Variants in TMEM19 observed in about 807,000 individuals in gnomAD.
The protein encoded by TMEM19 is transmembrane protein 19.
TMEM19 carries 21 observed loss-of-function variants against 33.6 expected under a neutral mutation model. The observed-to-expected ratio is 0.62, with a 90% CI of 0.44 to 0.90. The LOEUF is 0.90. Among genes scored for constraint, TMEM19 ranks in the 40% least tolerant of loss-of-function variants. The pLI is 0.00. For missense variants in TMEM19, 402 were observed against 401.8 expected (o/e 1.00, Z 0.00); for synonymous variants, 149 against 147.5 (o/e 1.01, Z -0.07).
At position 71,699,095 on chromosome 12, in the gene TMEM19, C is replaced by T; in HGVS notation, c.833C>T (p.Thr278Ile). The T allele has an allele frequency of 2.5e-6, 4 of 1,614,066 alleles. No homozygotes were observed. The highest frequency in any genetic ancestry group is 3.4e-6 in the Non-Finnish European group (4 of 1,180,000). ...ATTGTGGACTCATACTTAGGGGCTA[C>T]AATGCAGTATACTGGTAAGAACATT... ...GSIVDSYLGA[T>I]MQYTGLDEST... Residue 278 changes from threonine (T) to isoleucine (I), a missense_variant, in exon 5 of 6, where the codon ACA becomes ATA. Thr to Ile is a moderately conservative substitution (Grantham distance 89). Transcript: ENST00000266673.
chr12:71,696,062 A>G (rs910536377), intron 2 of TMEM19, among the ~76,000 whole-genome samples: 4 of 152,168 alleles, frequency 2.6e-5, no homozygotes, highest in Admixed American at 1.3e-4. Context: ...CACTCCTGCA[A>G]TCCCAGCACT....
intron 4 of TMEM19, among the ~76,000 whole-genome samples, 153 bp downstream of exon 4, chr12:71,697,687 T>A (rs1881899596): frequency 6.6e-6 from 1 of 152,216 alleles, no homozygotes; most frequent in Non-Finnish European, 1.5e-5. Flanking sequence ...ATTGGAAAAT[T>A]TCTGTCGACT....
Position 71,689,644 on chromosome 12 carries a change from G to C in TMEM19, c.184G>C (p.Val62Leu). The change falls in exon 2 of 6, where the codon GTT (valine) becomes CTT (leucine). Residue 62 changes from valine (V) to leucine (L), a missense_variant. Transcript: ENST00000266673. ...WRWLFSVVVP[V>L]LIVSNGLKKK... ...TTGGCTGTTTTCTGTTGTTGTTCCT[G>C]TTCTGATCGTCTCTAATGGCCTTAA... 1 of 1,614,028 alleles carries C rather than the reference G, an allele frequency of 6.2e-7. No individual in the cohort carries two copies. Among genetic ancestry groups the C allele is most frequent in the East Asian group, 2.2e-5 (1 of 44,858 alleles).
At chr12:71,691,033 T>TC (rs1881776717) in intron 2 of TMEM19, among the ~76,000 whole-genome samples, 1 of 152,184 alleles carries the variant, frequency 6.6e-6, no homozygotes, top group South Asian at 2.1e-4. Context: ...GGCCTGGATC[T>TC]CCCCCTTATT....
Position 71,700,887 on chromosome 12 carries a change from C to G in TMEM19, c.903C>G (p.His301Gln). 1 of 1,613,498 alleles carries G rather than the reference C, an allele frequency of 6.2e-7. No homozygotes were observed. The highest frequency in any genetic ancestry group is 1.1e-5 in the South Asian group (1 of 91,044). ...ACAGCCCAACAAATAAGGCAAGGCACATAGCAGGGAAACCCATTCTTGATA... is the reference window on the plus strand; with the variant it reads ...ACAGCCCAACAAATAAGGCAAGGCAGATAGCAGGGAAACCCATTCTTGATA... ...VVNSPTNKAR[H>Q]IAGKPILDNN... Residue 301 changes from histidine to glutamine, a missense_variant, in exon 6 of 6, where the codon CAC becomes CAG. Coordinates refer to ENST00000266673, the MANE Select transcript of TMEM19 (RefSeq NM_018279.4).
chr12:71,687,978 A>G (rs1330628811), intron 1 of TMEM19, among the ~76,000 whole-genome samples: 3 of 152,224 alleles, frequency 2.0e-5, no homozygotes, highest in East Asian at 1.9e-4. Flanking sequence ...CAGTTCGTTC[A>G]TAATGATTCA....
chr12:71,692,896 G>A (rs924057309), intron 2 of TMEM19, among the ~76,000 whole-genome samples: 1 of 149,896 alleles, frequency 6.7e-6, no homozygotes, highest in Non-Finnish European at 1.5e-5. Context: ...CTTCTTTTTT[G>A]TAAAAAAAAA....
intron 5 of TMEM19, chr12:71,699,709 G>T (rs1881943011): frequency 6.5e-6 from 1 of 153,932 alleles, no homozygotes. Flanking sequence ...AAATTATCTG[G>T]TGTAGTGGCG....
At position 71,698,885 on chromosome 12, in the gene TMEM19, A is replaced by AT. The variant is rs768820736; in HGVS notation, c.638-14dup. The AT allele has an allele frequency of 7.4e-6, 12 of 1,612,308 alleles. No individual in the cohort carries two copies. Among genetic ancestry groups the AT allele is most frequent in the Non-Finnish European group, 1.0e-5 (12 of 1,178,606 alleles). ...GATTATTAACCGGATGATTTTCTGC[A>AT]TGTTTCTTCTTCAGGTACCAATGGA... On this transcript the variant is annotated splice_polypyrimidine_tract_variant and intron_variant, in intron 4 of 5. Coordinates refer to ENST00000266673, the MANE Select transcript of TMEM19 (RefSeq NM_018279.4).
In TMEM19 at chr12:71,699,080, C is replaced by T; in HGVS notation, c.818C>T (p.Ser273Leu). 2 of 1,614,176 alleles carry T rather than the reference C, an allele frequency of 1.2e-6. No individual in the cohort carries two copies. The highest frequency in any genetic ancestry group is 2.2e-5 in the South Asian group (2 of 91,080). The change falls in exon 5 of 6, where the codon TCA becomes TTA. Residue 273 changes from serine to leucine, a missense_variant. Transcript: ENST00000266673. The stretch of plus-strand genomic sequence containing the variant: ...GGATTACTAGGATCAATTGTGGACT[C>T]ATACTTAGGGGCTACAATGCAGTAT... ...LAGLLGSIVD[S>L]YLGATMQYTG...
rs138000835 is a variant in TMEM19 at position 71,700,910 on chromosome 12, A to G, written c.926A>G (p.Asp309Gly). 2.5e-6 allele frequency: 4 copies of G among 1,613,788 alleles called. No individual in the cohort carries two copies. The highest frequency in any genetic ancestry group is 3.4e-6 in the Non-Finnish European group (4 of 1,179,908). The change falls in exon 6 of 6, where the codon GAT becomes GGT. Residue 309 changes from aspartate (D) to glycine (G), a missense_variant. Physicochemically the swap from Asp to Gly is moderately conservative, Grantham distance 94. Coordinates refer to ENST00000266673, the MANE Select transcript of TMEM19 (RefSeq NM_018279.4). The part of the protein sequence containing the change: ...ARHIAGKPIL[D>G]NNAVNLFSSV... ...CACATAGCAGGGAAACCCATTCTTG[A>G]TAACAACGCAGTGAATCTGTTTTCT...
chr12:71,695,113 G>T (rs1245340830), intron 2 of TMEM19, among the ~76,000 whole-genome samples: 1 of 152,164 alleles, frequency 6.6e-6, no homozygotes, highest in Non-Finnish European at 1.5e-5. Context: ...AGGTAGAAAA[G>T]GTATGAACAG....
chr12:71,700,783 A>G (rs753088807), intron 5 of TMEM19, 49 bp from the exon 6 acceptor site: 1 of 1,461,996 alleles, frequency 6.8e-7, no homozygotes, highest in South Asian at 1.6e-5. Context: ...AAGAAAAAAA[A>G]TGAAGTCATT....
At chr12:71,696,939 G>A (rs564315442) in intron 3 of TMEM19, among the ~76,000 whole-genome samples, 4 of 152,182 alleles carry the variant, frequency 2.6e-5, no homozygotes, top group Admixed American at 1.3e-4. Flanking sequence ...GAGCCACTGC[G>A]CCCAGCCAAC....
rs994397588 is a variant in TMEM19, at chr12:71,700,895, G to A, written c.911G>A (p.Gly304Glu). ...SPTNKARHIAGKPILDNNAVN... is the reference protein window; with the variant it reads ...SPTNKARHIAEKPILDNNAVN... ...ACAAATAAGGCAAGGCACATAGCAGGGAAACCCATTCTTGATAACAACGCA... is the reference window on the plus strand; with the variant it reads ...ACAAATAAGGCAAGGCACATAGCAGAGAAACCCATTCTTGATAACAACGCA... Residue 304 changes from glycine (G) to glutamate (E), a missense_variant, in exon 6 of 6, where the codon GGG becomes GAG. Coordinates refer to ENST00000266673, the MANE Select transcript of TMEM19 (RefSeq NM_018279.4). The A allele has an allele frequency of 3.1e-6, 5 of 1,613,606 alleles. No individual in the cohort carries two copies. The highest frequency in any genetic ancestry group is 4.2e-6 in the Non-Finnish European group (5 of 1,179,844).
At chr12:71,687,134 G>A (rs1881705255) in intron 1 of TMEM19, among the ~76,000 whole-genome samples, 1 of 151,906 alleles carries the variant, frequency 6.6e-6, no homozygotes, top group South Asian at 2.1e-4. Flanking sequence ...CAAAGTGCTG[G>A]CAATACAGGC....
intron 5 of TMEM19, chr12:71,699,357 A>G: frequency 1.7e-6 from 1 of 579,154 alleles, no homozygotes; most frequent in Non-Finnish European, 3.0e-6. Context: ...TGCAGAGAAC[A>G]GACGTTTTTG....
rs1213332357 is a variant in TMEM19 at position 71,698,607 on chromosome 12, A to AAGAAGAG, written c.638-290_638-289insAGAGAGA. 2.5e-5 allele frequency among the ~76,000 whole-genome samples: 3 copies of AAGAAGAG among 121,278 alleles called. No homozygotes were observed. In the East Asian group the frequency reaches 8.7e-4, roughly 35 times the overall value. The allele number at this position is 121,278 out of a possible 152,430, so 79.6% of individuals were successfully genotyped here. ...GATAGAGCAAAACCTTGTCTCTGAA[A>AAGAAGAG]AGAGAGAGAGAGAGAGAGAGAGAGA... On this transcript the variant is annotated intron_variant, in intron 4 of 5. Transcript: ENST00000266673.
intron 2 of TMEM19, among the ~76,000 whole-genome samples, chr12:71,693,617 A>G (rs759648395): frequency 6.6e-6 from 1 of 152,166 alleles, no homozygotes; most frequent in Non-Finnish European, 1.5e-5. Context: ...GATGTTAGTT[A>G]TTATTACTGT....
Sources: allele counts gnomAD v4.1 joint callset (sites outside exome capture counted in the v4.1 genomes callset), GRCh38; gene constraint gnomAD v4.1.1; transcripts MANE v1.5; gene names NCBI Gene and HGNC (gene_info 2026-07-23, HGNC 2026-07-21).